Variants in CTNNA2 observed in about 807,000 individuals in gnomAD.
CTNNA2 encodes catenin alpha 2.
CTNNA2 carries 42 observed loss-of-function variants against 101.0 expected under a neutral mutation model. The ratio of observed to expected loss-of-function variants is 0.42; its 90% confidence interval spans 0.32 to 0.54. The LOEUF is 0.54. Among genes scored for constraint, CTNNA2 ranks in the 20% least tolerant of loss-of-function variants. The probability of loss-of-function intolerance (pLI) is 0.14; values close to 1 mark genes in which losing one functional copy is unlikely to be tolerated. For synonymous variants in CTNNA2, 450 were observed against 456.4 expected (o/e 0.99, Z 0.18); for missense variants, 871 against 1,223.1 (o/e 0.71, Z 4.29).
chr2:80,275,856 T>A (rs944834389), intron 7 of CTNNA2, among the ~76,000 whole-genome samples: 18 of 152,208 alleles, frequency 1.2e-4, no homozygotes, highest in African/African-American at 4.3e-4. Flanking sequence ...TATCAGAATT[T>A]ACTTAATGAC....
chr2:80,400,188 AC>A (rs1472615627), intron 8 of CTNNA2, among the ~76,000 whole-genome samples: 1 of 152,094 alleles, frequency 6.6e-6, no homozygotes, highest in Non-Finnish European at 1.5e-5. Flanking sequence ...GTTCCATTTG[AC>A]CCCTCCTTGC....
chr2:80,432,509 C>T (rs551002308), intron 9 of CTNNA2, among the ~76,000 whole-genome samples: 3 of 152,216 alleles, frequency 2.0e-5, no homozygotes, highest in African/African-American at 7.2e-5. Flanking sequence ...GTGAATATCA[C>T]ACATCCAAGG....
At chr2:79,305,347 C>T (rs1427764843) in intron 2 of CTNNA2, among the ~76,000 whole-genome samples, 2 of 142,264 alleles carry the variant, frequency 1.4e-5, no homozygotes, top group African/African-American at 2.7e-5. Flanking sequence ...TATATACATA[C>T]ATATACATAT....
intron 7 of CTNNA2, among the ~76,000 whole-genome samples, chr2:80,012,998 TA>T (rs1423810885): frequency 1.3e-5 from 2 of 152,116 alleles, no homozygotes; most frequent in East Asian, 3.9e-4. Context: ...ACTCTGTCTC[TA>T]CAAAAAGTTT....
At chr2:79,863,287 C>A (rs967030018) in intron 4 of CTNNA2, among the ~76,000 whole-genome samples, 8 of 152,160 alleles carry the variant, frequency 5.3e-5, no homozygotes, top group Non-Finnish European at 1.2e-4. Flanking sequence ...TCTTTGCTCA[C>A]CCCAAGCTGG....
intron 2 of CTNNA2, among the ~76,000 whole-genome samples, chr2:79,688,681 G>A (rs2104686344): frequency 6.6e-6 from 1 of 152,058 alleles, no homozygotes; most frequent in African/African-American, 2.4e-5. Context: ...ATTCTCTTCT[G>A]GAAAGAGAAT....
At chr2:80,026,236 CAG>C (rs1024262911) in intron 7 of CTNNA2, among the ~76,000 whole-genome samples, 2 of 152,142 alleles carry the variant, frequency 1.3e-5, no homozygotes, top group Admixed American at 6.5e-5. Context: ...TGCAGAAAAA[CAG>C]AGAGGCCGGT....
intron 7 of CTNNA2, among the ~76,000 whole-genome samples, chr2:80,186,015 A>G (rs1403020915): frequency 6.6e-6 from 1 of 152,216 alleles, no homozygotes; most frequent in African/African-American, 2.4e-5. Flanking sequence ...TGTGGAGATT[A>G]GCTTCCAGCT....
At chr2:80,122,834 C>T (rs1383306067) in intron 7 of CTNNA2, among the ~76,000 whole-genome samples, 1 of 152,122 alleles carries the variant, frequency 6.6e-6, no homozygotes, top group African/African-American at 2.4e-5. Context: ...AAGACATATG[C>T]TGTGAGTGGT....
At chr2:80,191,101 G>A (rs898613853) in intron 7 of CTNNA2, among the ~76,000 whole-genome samples, 1 of 152,166 alleles carries the variant, frequency 6.6e-6, no homozygotes, top group African/African-American at 2.4e-5. Flanking sequence ...TATTCAAAAA[G>A]TTAAATCAGA....
chr2:80,303,968 C>A lies in CTNNA2; in HGVS notation c.1057-89243C>A, dbSNP rs899426304. On this transcript the variant is annotated intron_variant, in intron 7 of 18. Coordinates refer to ENST00000402739, the MANE Select transcript of CTNNA2 (RefSeq NM_001282597.3). This position sits in a 1 kb window ranked among gnomAD's most constrained non-coding sequence, Gnocchi z 7.7. Reference sequence around the variant, plus strand: ...ATAAATACATAGAAATAAAGAAGGACCCCCCTCCCCAAAAACCACACGTTC... The same window carrying A: ...ATAAATACATAGAAATAAAGAAGGAACCCCCTCCCCAAAAACCACACGTTC... 3 of 928,218 alleles carry A rather than the reference C, an allele frequency of 3.2e-6. No individual in the cohort carries two copies. Among genetic ancestry groups the A allele is most frequent in the Non-Finnish European group, 4.5e-6 (3 of 660,288 alleles). The allele number at this position is 928,218 out of a possible 1,614,324, so 57.5% of individuals were successfully genotyped here. A position where few individuals can be genotyped will look rare whatever the true frequency, so the allele number is the denominator to read the frequency against.
At chr2:80,090,727 G>T (rs1328532552) in intron 7 of CTNNA2, among the ~76,000 whole-genome samples, 1 of 152,052 alleles carries the variant, frequency 6.6e-6, no homozygotes, top group Non-Finnish European at 1.5e-5. Flanking sequence ...ACACCATGAG[G>T]CTGAAAATAG....
intron 8 of CTNNA2, among the ~76,000 whole-genome samples, chr2:80,408,624 C>A (rs1679277077): frequency 6.6e-6 from 1 of 152,178 alleles, no homozygotes; most frequent in South Asian, 2.1e-4. Flanking sequence ...TAATCAATGG[C>A]AGATATTAGA....
At chr2:80,101,526 A>T (rs1239830818) in intron 7 of CTNNA2, among the ~76,000 whole-genome samples, 1 of 152,218 alleles carries the variant, frequency 6.6e-6, no homozygotes, top group African/African-American at 2.4e-5. Flanking sequence ...TGTTTAATCA[A>T]GTCTATGCGT....
At chr2:79,395,307 T>G (rs1436530066) in intron 4 of CTNNA2, among the ~76,000 whole-genome samples, 1 of 152,040 alleles carries the variant, frequency 6.6e-6, no homozygotes, top group Non-Finnish European at 1.5e-5. Context: ...TTTTTACATA[T>G]GTATACATGT....
intron 3 of CTNNA2, among the ~76,000 whole-genome samples, chr2:79,325,210 G>A (rs1470504904): frequency 3.3e-5 from 5 of 152,042 alleles, no homozygotes; most frequent in Non-Finnish European, 5.9e-5. Context: ...ATCAATGGGG[G>A]GAAAACCAAG....
chr2:80,250,204 A>AGAGAGT (rs1553476557), intron 7 of CTNNA2, among the ~76,000 whole-genome samples: 49 of 96,486 alleles, frequency 5.1e-4, no homozygotes, highest in African/African-American at 1.2e-3. Flanking sequence ...AGAGAGAGAG[A>AGAGAGT]GTGTGTGTGT....
chr2:80,581,652 TG>T (rs1695554486), intron 13 of CTNNA2, 53 bp from the exon 14 acceptor site: 1 of 1,119,410 alleles, frequency 8.9e-7, no homozygotes, highest in Non-Finnish European at 1.4e-6. Flanking sequence ...AGTGTGTGGA[TG>T]GGGGTGAAGA....
At chr2:80,494,128 G>A (rs1244494350) in intron 9 of CTNNA2, among the ~76,000 whole-genome samples, 2 of 152,176 alleles carry the variant, frequency 1.3e-5, no homozygotes, top group Non-Finnish European at 2.9e-5. Flanking sequence ...ATCAAACTCC[G>A]TAATAAAGGA....
Sources: allele counts gnomAD v4.1 joint callset (sites outside exome capture counted in the v4.1 genomes callset), GRCh38; gene constraint gnomAD v4.1.1; non-coding constraint Gnocchi (gnomAD v3.1); transcripts MANE v1.5; gene names NCBI Gene and HGNC (gene_info 2026-07-23, HGNC 2026-07-21).